RABGAP1L: variants seen among roughly 807,000 people sequenced by gnomAD.
RABGAP1L encodes RAB GTPase activating protein 1 like.
In RABGAP1L, 63 loss-of-function variants were observed where a neutral mutation model predicts 137.7. The ratio of observed to expected loss-of-function variants is 0.46; its 90% CI spans 0.37 to 0.56. The LOEUF (loss-of-function observed/expected upper bound fraction) is 0.56, where lower values mean the gene tolerates loss of function less well. Ranked by LOEUF, RABGAP1L falls within the 20% of genes least tolerant of loss-of-function variation. The probability of loss-of-function intolerance (pLI) is 0.00; values close to 1 mark genes in which losing one functional copy is unlikely to be tolerated. For missense variants in RABGAP1L, 1,095 were observed against 1,244.0 expected (o/e 0.88, Z 1.80); for synonymous variants, 431 against 433.7 (o/e 0.99, Z 0.08).
At chr1:174,535,268 G>A (rs1218952806) in intron 13 of RABGAP1L, among the ~76,000 whole-genome samples, 3 of 151,936 alleles carry the variant, frequency 2.0e-5, no homozygotes, top group African/African-American at 7.3e-5. Context: ...AAATCTCTTT[G>A]TATCTCAGAA....
chr1:174,542,752 C>T (rs1263787675), intron 13 of RABGAP1L, among the ~76,000 whole-genome samples: 1 of 152,186 alleles, frequency 6.6e-6, no homozygotes, highest in East Asian at 1.9e-4. Context: ...TTTCCCTCTA[C>T]ACATTGCTTT....
intron 13 of RABGAP1L, among the ~76,000 whole-genome samples, chr1:174,452,857 A>G (rs5015737): frequency 0.39 from 59,240 of 151,934 alleles, 14,572 homozygotes; most frequent in African/African-American, 0.7. Context: ...CACTGCACCC[A>G]GCCGGTAGCT....
chr1:174,893,813 G>A (rs1480170584), intron 19 of RABGAP1L, among the ~76,000 whole-genome samples: 1 of 152,114 alleles, frequency 6.6e-6, no homozygotes, highest in Non-Finnish European at 1.5e-5. Context: ...TTAATAGCAA[G>A]TCTTCCACTT....
chr1:174,347,370 G>T (rs1454061030), intron 11 of RABGAP1L, among the ~76,000 whole-genome samples: 3 of 151,614 alleles, frequency 2.0e-5, no homozygotes, highest in African/African-American at 7.3e-5. Context: ...CTAATATTTG[G>T]TTTATATATC....
chr1:174,439,686 G>A (rs1281378929), intron 13 of RABGAP1L, among the ~76,000 whole-genome samples: 2 of 152,152 alleles, frequency 1.3e-5, no homozygotes, highest in African/African-American at 4.8e-5. Flanking sequence ...TTCTTGTGAA[G>A]TTTGTGTATT....
intron 17 of RABGAP1L, among the ~76,000 whole-genome samples, chr1:174,747,472 G>A (rs909449302): frequency 6.7e-6 from 1 of 148,260 alleles, no homozygotes; most frequent in African/African-American, 2.5e-5. Flanking sequence ...CAACTCAAAT[G>A]TCTTAAAGTG....
At chr1:174,695,312 G>T (rs1310339059) in intron 15 of RABGAP1L, among the ~76,000 whole-genome samples, 2 of 150,290 alleles carry the variant, frequency 1.3e-5, no homozygotes, top group Non-Finnish European at 3.0e-5. Flanking sequence ...TTTTGTTGTT[G>T]TTGTTTCTCC....
intron 11 of RABGAP1L, among the ~76,000 whole-genome samples, chr1:174,318,579 G>GTTTTCT: frequency 9.4e-6 from 1 of 106,494 alleles, no homozygotes; most frequent in Non-Finnish European, 2.1e-5. Context: ...TTTGGTGATT[G>GTTTTCT]TTTTCTTTCT....
chr1:174,839,028 C>CGTGTGT (rs71726767), intron 19 of RABGAP1L, among the ~76,000 whole-genome samples: 15,583 of 129,926 alleles, frequency 0.12, 1,193 homozygotes, highest in East Asian at 0.33. Context: ...AACTTTTTTA[C>CGTGTGT]GTGTGTGTGT....
intron 13 of RABGAP1L, among the ~76,000 whole-genome samples, chr1:174,540,507 C>T (rs1192303234): frequency 2.0e-5 from 3 of 152,184 alleles, no homozygotes; most frequent in South Asian, 2.1e-4. Context: ...CAGCTTTCTA[C>T]GTATGGCTAG....
chr1:174,377,492 A>G (rs1685649685), intron 12 of RABGAP1L, among the ~76,000 whole-genome samples: 1 of 152,230 alleles, frequency 6.6e-6, no homozygotes, highest in Non-Finnish European at 1.5e-5. Context: ...TGATACAAGG[A>G]TAGACACTGA....
At chr1:174,493,665 C>G (rs562732037) in intron 13 of RABGAP1L, among the ~76,000 whole-genome samples, 1 of 151,142 alleles carries the variant, frequency 6.6e-6, no homozygotes, top group African/African-American at 2.4e-5. Flanking sequence ...ACTGAAAATA[C>G]GAAAAATCAG....
chr1:174,300,892 A>G (rs1025725996), intron 10 of RABGAP1L, among the ~76,000 whole-genome samples: 15 of 152,182 alleles, frequency 9.9e-5, no homozygotes, highest in African/African-American at 2.4e-4. Flanking sequence ...GAATGAATCA[A>G]TGTCTGAGAA....
intron 13 of RABGAP1L, among the ~76,000 whole-genome samples, chr1:174,615,841 T>C (rs1671788273): frequency 6.6e-6 from 1 of 152,218 alleles, no homozygotes. Context: ...ACTGTTGTGC[T>C]AGCAATCAGC....
chr1:174,622,215 A>G (rs1672557958), intron 13 of RABGAP1L, among the ~76,000 whole-genome samples: 1 of 152,196 alleles, frequency 6.6e-6, no homozygotes, highest in South Asian at 2.1e-4. Flanking sequence ...CAGGTGCTGG[A>G]GAGGATGTGG....
At chr1:174,355,579 A>G (rs190344371) in intron 11 of RABGAP1L, among the ~76,000 whole-genome samples, 2,615 of 152,002 alleles carry the variant, frequency 0.017, 78 homozygotes, top group African/African-American at 0.06. Flanking sequence ...TAACCTGCAC[A>G]TTGTGCACAT....
At chr1:174,763,661 A>C in intron 18 of RABGAP1L, among the ~76,000 whole-genome samples, 1 of 118,752 alleles carries the variant, frequency 8.4e-6, no homozygotes, top group East Asian at 2.2e-4. Context: ...AAAAAAAAAA[A>C]AAAAAAAAAA....
intron 13 of RABGAP1L, among the ~76,000 whole-genome samples, chr1:174,397,663 G>A (rs776808119): frequency 7.9e-5 from 12 of 152,052 alleles, no homozygotes; most frequent in Non-Finnish European, 1.6e-4. Flanking sequence ...TTTTCTCCTT[G>A]TTTTCACAAG....
At chr1:174,550,928 AT>A (rs1165827388) in intron 13 of RABGAP1L, among the ~76,000 whole-genome samples, 2 of 129,950 alleles carry the variant, frequency 1.5e-5, no homozygotes, top group African/African-American at 6.3e-5. Flanking sequence ...ACACATATAT[AT>A]ATACACATAT....
Sources: gnomAD v4.1 joint callset for allele counts (sites outside exome capture counted in the v4.1 genomes callset) on GRCh38, gnomAD v4.1.1 for gene constraint, MANE v1.5 for transcripts, NCBI Gene and HGNC (gene_info 2026-07-23, HGNC 2026-07-21) for gene names.